Variants in CFAP77 observed in about 807,000 individuals in gnomAD.
CFAP77 encodes cilia- and flagella-associated protein 77.
CFAP77 carries 25 observed loss-of-function variants against 31.1 expected under a neutral mutation model. The observed-to-expected ratio is 0.80, with a 90% CI of 0.59 to 1.12. CFAP77 has a LOEUF of 1.12. Among genes scored for constraint, CFAP77 ranks in the 50% most tolerant of loss-of-function variants. The pLI is 0.00. For missense variants in CFAP77, 377 were observed against 397.3 expected (o/e 0.95, Z 0.44); for synonymous variants, 151 against 159.9 (o/e 0.94, Z 0.42).
At chr9:132,447,600 C>T (rs919534899) in intron 1 of CFAP77, among the ~76,000 whole-genome samples, 2 of 152,202 alleles carry the variant, frequency 1.3e-5, no homozygotes, top group African/African-American at 2.4e-5. Context: ...GGTCGGTCCG[C>T]GTAGATCAGC....
At chr9:132,496,378 G>A (rs779432610) in intron 1 of CFAP77, among the ~76,000 whole-genome samples, 18 of 152,162 alleles carry the variant, frequency 1.2e-4, no homozygotes, top group Non-Finnish European at 2.4e-4. Context: ...CATTGAAAAT[G>A]TAGAATTCAA....
intron 1 of CFAP77, among the ~76,000 whole-genome samples, chr9:132,459,954 G>A (rs1404760251): frequency 1.3e-5 from 2 of 151,978 alleles, no homozygotes; most frequent in Non-Finnish European, 2.9e-5. Flanking sequence ...GTGAGTCTGA[G>A]TGCATGAGCG....
intron 5 of CFAP77, among the ~76,000 whole-genome samples, chr9:132,562,213 C>T (rs750921001): frequency 6.6e-6 from 1 of 152,098 alleles, no homozygotes; most frequent in African/African-American, 2.4e-5. Flanking sequence ...ACGAGGAGGC[C>T]CTCCCTCACC....
intron 1 of CFAP77, among the ~76,000 whole-genome samples, chr9:132,438,678 A>G (rs116692071): frequency 0.1 from 14,704 of 145,906 alleles, 748 homozygotes; most frequent in South Asian, 0.12. Context: ...TGGGACTACT[A>G]GCACATGCCA....
At chr9:132,494,138 C>T (rs1589885255) in intron 1 of CFAP77, among the ~76,000 whole-genome samples, 1 of 152,156 alleles carries the variant, frequency 6.6e-6, no homozygotes, top group East Asian at 1.9e-4. Context: ...TCTCAAATTC[C>T]TGGGCTCAAA....
chr9:132,444,234 G>T (rs1850666456), intron 1 of CFAP77, among the ~76,000 whole-genome samples: 1 of 152,250 alleles, frequency 6.6e-6, no homozygotes, highest in Non-Finnish European at 1.5e-5. Context: ...GAAGGTATTT[G>T]TGAGGCTAAG....
In CFAP77 at chr9:132,554,778, T is replaced by TCAAA. The variant is rs1339488270; in HGVS notation, c.732+11731_732+11732insCAAA. Among the ~76,000 whole-genome samples the TCAAA allele has an allele frequency of 6.6e-6, 1 of 152,194 alleles. No individual in the cohort carries two copies. The highest frequency in any genetic ancestry group is 1.5e-5 in the Non-Finnish European group (1 of 68,040). ...CTGAGCAAAGCAGAGATCTTCAGGG[T>TCAAA]GCCTGAATCTTGGATGCATTCCTAA... On this transcript the variant is annotated intron_variant, in intron 5 of 5. Transcript: ENST00000393216. The surrounding 1 kb of genome is among the most constrained non-coding windows in gnomAD (Gnocchi z 4.1).
At chr9:132,538,625 A>G (rs1852587126) in intron 4 of CFAP77, among the ~76,000 whole-genome samples, 1 of 152,146 alleles carries the variant, frequency 6.6e-6, no homozygotes. Context: ...TAAAAATACA[A>G]AAATTAGCTG....
chr9:132,438,811 AG>A (rs1850560199), intron 1 of CFAP77, among the ~76,000 whole-genome samples: 1 of 151,578 alleles, frequency 6.6e-6, no homozygotes, highest in Admixed American at 6.6e-5. Flanking sequence ...CTGGGGTTAC[AG>A]GTGTGAGCCA....
chr9:132,416,962 T>C lies in CFAP77; in HGVS notation c.195+6496T>C, dbSNP rs577978303. Among the ~76,000 whole-genome samples, 5 of 152,108 alleles carry C rather than the reference T, an allele frequency of 3.3e-5. No homozygotes were observed. The South Asian group carries it at 1.0e-3, about 32-fold the overall frequency. ...GATCTTTTGTATTAGTTTTTTTTAATGCCAGCGTTTGTTGGTCATTGGTAA... is the reference window on the plus strand; with the variant it reads ...GATCTTTTGTATTAGTTTTTTTTAACGCCAGCGTTTGTTGGTCATTGGTAA... On this transcript the variant is annotated intron_variant, in intron 1 of 5. Transcript: ENST00000393216.
intron 1 of CFAP77, among the ~76,000 whole-genome samples, chr9:132,486,655 C>G (rs949671949): frequency 6.6e-6 from 1 of 152,278 alleles, no homozygotes; most frequent in African/African-American, 2.4e-5. Flanking sequence ...TTCCCCTAAA[C>G]ATGCTGTTGA....
intron 5 of CFAP77, among the ~76,000 whole-genome samples, chr9:132,543,938 C>T (rs1383133858): frequency 1.3e-5 from 2 of 152,100 alleles, no homozygotes; most frequent in Non-Finnish European, 2.9e-5. Flanking sequence ...AGGATGGGGC[C>T]GGGGGAGGTG....
chr9:132,539,716 TCAG>T lies in CFAP77; in HGVS notation c.630+2014_630+2016del, dbSNP rs1852606578. The stretch of plus-strand genomic sequence containing the variant: ...GTGCCAGGGCCTCTCCTGGCTCTTC[TCAG>T]CAGTCTGCAGAACGTCAGACACCTC... On this transcript the variant is annotated intron_variant, in intron 4 of 5. Coordinates refer to ENST00000393216, the MANE Select transcript of CFAP77 (RefSeq NM_001282957.2). The surrounding 1 kb of genome is among the most constrained non-coding windows in gnomAD (Gnocchi z 4.3). 6.6e-6 allele frequency among the ~76,000 whole-genome samples: 1 copy of T among 152,144 alleles called. No individual in the cohort carries two copies. The highest frequency in any genetic ancestry group is 1.5e-5 in the Non-Finnish European group (1 of 68,020).
chr9:132,561,951 A>G (rs948508319), intron 5 of CFAP77, among the ~76,000 whole-genome samples: 3 of 152,140 alleles, frequency 2.0e-5, no homozygotes, highest in African/African-American at 7.2e-5. Context: ...AGGAACGGCC[A>G]ATGCCTCATC....
intron 1 of CFAP77, among the ~76,000 whole-genome samples, chr9:132,426,689 G>A (rs1257596869): frequency 4.6e-5 from 7 of 152,104 alleles, no homozygotes; most frequent in East Asian, 1.9e-4. Flanking sequence ...AGATTCCCCC[G>A]CCCCTGTACC....
intron 1 of CFAP77, among the ~76,000 whole-genome samples, chr9:132,467,931 TC>T (rs562724038): frequency 3.1e-4 from 47 of 152,116 alleles, no homozygotes; most frequent in African/African-American, 1.1e-3. Context: ...GGGGGGAACA[TC>T]CTTGTCAAAG....
chr9:132,439,561 A>C (rs1850577813), intron 1 of CFAP77, among the ~76,000 whole-genome samples: 1 of 151,910 alleles, frequency 6.6e-6, no homozygotes, highest in Non-Finnish European at 1.5e-5. Context: ...AGATGCTCTA[A>C]TCTGGCCGGG....
chr9:132,472,207 C>T (rs997033865), intron 1 of CFAP77, among the ~76,000 whole-genome samples: 2 of 152,178 alleles, frequency 1.3e-5, no homozygotes, highest in African/African-American at 4.8e-5. Flanking sequence ...CAGCACTGGG[C>T]ACAGTCTCTG....
At chr9:132,507,840 G>C (rs906150110) in intron 3 of CFAP77, among the ~76,000 whole-genome samples, 1 of 152,200 alleles carries the variant, frequency 6.6e-6, no homozygotes, top group African/African-American at 2.4e-5. Flanking sequence ...CTGACCACAA[G>C]GGGGAGCATG....
Sources: allele counts gnomAD v4.1 joint callset (sites outside exome capture counted in the v4.1 genomes callset), GRCh38; gene constraint gnomAD v4.1.1; non-coding constraint Gnocchi (gnomAD v3.1); transcripts MANE v1.5; gene names NCBI Gene and HGNC (gene_info 2026-07-23, HGNC 2026-07-21).